Variants in ASTN1 observed in about 807,000 individuals in gnomAD.
ASTN1 encodes the protein astrotactin 1.
ASTN1 carries 41 observed loss-of-function variants against 140.7 expected under a neutral mutation model. The observed-to-expected ratio is 0.29, with a 90% CI of 0.23 to 0.38. The LOEUF is 0.38. Among genes scored for constraint, ASTN1 ranks in the 10% least tolerant of loss-of-function variants. ASTN1 has a pLI of 1.00. For missense variants in ASTN1, 1,479 were observed against 1,678.8 expected, an observed-to-expected ratio of 0.88 and a Z score of 2.08; for synonymous variants, 640 against 652.2, an observed-to-expected ratio of 0.98 and a Z score of 0.29.
chr1:177,164,658 A>C lies in ASTN1; in HGVS notation c.19T>G (p.Cys7Gly). 1 of 1,590,310 alleles carries C rather than the reference A, an allele frequency of 6.3e-7. No homozygotes were observed. The highest frequency in any genetic ancestry group is 8.6e-7 in the Non-Finnish European group (1 of 1,168,488). MALAGL[C>G]ALLACCWGPA... The stretch of plus-strand genomic sequence containing the variant: ...CCCCAGCAGCAGGCGAGCAGGGCGC[A>C]GAGCCCGGCTAAAGCCATCTTGAGC... Residue 7 changes from cysteine to glycine, a missense_variant, in exon 1 of 23, where the codon TGC becomes GGC. Around this residue, in one of 3 missense-constraint regions of ASTN1, gnomAD observed 729 missense variants for 860.4 expected, o/e 0.85. Coordinates refer to ENST00000361833, the MANE Select transcript of ASTN1 (RefSeq NM_004319.3).
intron 8 of ASTN1, among the ~76,000 whole-genome samples, chr1:177,009,573 C>G (rs895536873): frequency 6.6e-6 from 1 of 152,076 alleles, no homozygotes; most frequent in Non-Finnish European, 1.5e-5. Flanking sequence ...GAAGAAGTTG[C>G]AGAAATAGAA....
At chr1:176,992,964 A>G (rs1335654814) in intron 8 of ASTN1, among the ~76,000 whole-genome samples, 1 of 152,224 alleles carries the variant, frequency 6.6e-6, no homozygotes, top group Non-Finnish European at 1.5e-5. Context: ...GCAGAGCTCT[A>G]ATCCAATAGG....
rs1478728177 is a variant in ASTN1 at position 176,942,818 on chromosome 1, G to GTATA, written c.2377+1072_2377+1073insTATA. Among the ~76,000 whole-genome samples, 28 of 31,948 alleles carry GTATA rather than the reference G, an allele frequency of 8.8e-4. 1 individual carries two copies. Among genetic ancestry groups the GTATA allele is most frequent in the African/African-American group, 2.2e-3 (20 of 9,154 alleles). 21.0% of individuals were successfully genotyped at this position (31,948 alleles called of 152,430 possible). On this transcript the variant is annotated intron_variant, in intron 14 of 22. Transcript: ENST00000361833. ...GACCAAACCAATGTACTTTGTGTGT[G>GTATA]TGTATATATATATATATGTATATAT...
Position 176,864,055 on chromosome 1 carries a change from A to T in ASTN1, c.*229T>A. 1 of 1,361,692 alleles carries T rather than the reference A, an allele frequency of 7.3e-7. No homozygotes were observed. Among genetic ancestry groups the T allele is most frequent in the Non-Finnish European group, 9.5e-7 (1 of 1,057,766 alleles). The allele number at this position is 1,361,692 out of a possible 1,614,324, so 84.4% of individuals were successfully genotyped here. ...AACCCCAAAGTAATCCTCTAAAGAA[A>T]TATGGCACTGCATGAAGCCACTGGC... On this transcript the variant is annotated 3_prime_UTR_variant, in exon 23 of 23. Coordinates refer to ENST00000361833, the MANE Select transcript of ASTN1 (RefSeq NM_004319.3).
At chr1:176,960,040 C>A (rs1210657811) in intron 9 of ASTN1, among the ~76,000 whole-genome samples, 3 of 152,172 alleles carry the variant, frequency 2.0e-5, no homozygotes, top group Non-Finnish European at 4.4e-5. Context: ...CACACATACA[C>A]ACACACACTC....
At chr1:177,058,152 G>C (rs1221530585) in intron 2 of ASTN1, among the ~76,000 whole-genome samples, 2 of 152,162 alleles carry the variant, frequency 1.3e-5, no homozygotes, top group African/African-American at 4.8e-5. Context: ...GCTGCAGTAG[G>C]CTCCACTAAC....
At chr1:177,062,600 G>C (rs1678154973) in intron 1 of ASTN1, among the ~76,000 whole-genome samples, 2 of 148,050 alleles carry the variant, frequency 1.4e-5, no homozygotes, top group African/African-American at 2.5e-5. Context: ...ATTAACTTTG[G>C]CCAAAAAATA....
chr1:177,008,997 CAA>C (rs1675150576), intron 8 of ASTN1, among the ~76,000 whole-genome samples: 1 of 152,144 alleles, frequency 6.6e-6, no homozygotes, highest in Admixed American at 6.5e-5. Context: ...TAGAAATAGG[CAA>C]AGAGTCAGAA....
At chr1:177,022,349 T>TTTA (rs988978797) in intron 7 of ASTN1, among the ~76,000 whole-genome samples, 5 of 152,340 alleles carry the variant, frequency 3.3e-5, no homozygotes, top group Non-Finnish European at 7.3e-5. Flanking sequence ...TAGATATCAC[T>TTTA]TTAACGCTTT....
At chr1:177,135,948 T>C (rs984035864) in intron 1 of ASTN1, among the ~76,000 whole-genome samples, 1 of 152,196 alleles carries the variant, frequency 6.6e-6, no homozygotes, top group Non-Finnish European at 1.5e-5. Context: ...GAATATTTTA[T>C]CACAGGTTTA....
intron 1 of ASTN1, among the ~76,000 whole-genome samples, chr1:177,147,675 T>G (rs2102236702): frequency 6.6e-6 from 1 of 152,316 alleles, no homozygotes; most frequent in Non-Finnish European, 1.5e-5. Flanking sequence ...ACTTTGAGGC[T>G]GTCACTTCAC....
intron 19 of ASTN1, 78 bp downstream of exon 19, chr1:176,884,261 C>T (rs1296719865): frequency 6.6e-7 from 1 of 1,523,824 alleles, no homozygotes. Context: ...GGAGCAAAGC[C>T]ATGAGGCAGG....
At position 177,067,109 on chromosome 1, in the gene ASTN1, AG is replaced by A; in HGVS notation, c.284-5845del. Among the ~76,000 whole-genome samples the A allele has an allele frequency of 2.0e-5, 3 of 151,948 alleles. No homozygotes were observed. In the Middle Eastern group the frequency reaches 0.01, roughly 517 times the overall value. On this transcript the variant is annotated intron_variant, in intron 1 of 22. Transcript: ENST00000361833. Reference sequence around the variant, plus strand: ...CAAACCAAATCTAGTATGGTTTCTGAGGGGGGGTTCACAGAGCAGAGTTAGG... The same window carrying A: ...CAAACCAAATCTAGTATGGTTTCTGAGGGGGGTTCACAGAGCAGAGTTAGG...
chr1:177,162,757 T>C (rs891239034), intron 1 of ASTN1, among the ~76,000 whole-genome samples: 3 of 152,190 alleles, frequency 2.0e-5, no homozygotes, highest in Non-Finnish European at 4.4e-5. Context: ...GATGAACAGA[T>C]TGTACTTTGC....
At chr1:176,867,052 C>T (rs888811945) in intron 22 of ASTN1, among the ~76,000 whole-genome samples, 3 of 152,184 alleles carry the variant, frequency 2.0e-5, no homozygotes, top group African/African-American at 4.8e-5. Context: ...GAAGGAACCT[C>T]CTGGGAGGAG....
intron 1 of ASTN1, among the ~76,000 whole-genome samples, chr1:177,131,206 T>C (rs1681922878): frequency 6.6e-6 from 1 of 152,210 alleles, no homozygotes. Flanking sequence ...TTTGGTAATA[T>C]GTTCCAAGAA....
At chr1:176,879,622 G>A (rs1668707160) in intron 20 of ASTN1, among the ~76,000 whole-genome samples, 1 of 152,136 alleles carries the variant, frequency 6.6e-6, no homozygotes, top group Admixed American at 6.5e-5. Flanking sequence ...CTTGCTGTAA[G>A]TTCCAGCTAA....
intron 8 of ASTN1, among the ~76,000 whole-genome samples, chr1:177,013,763 T>C (rs1027885822): frequency 1.9e-4 from 29 of 152,332 alleles, no homozygotes; most frequent in Non-Finnish European, 4.0e-4. Context: ...TTTTTCCTGT[T>C]CCATTGATTG....
At chr1:177,087,238 C>T (rs929902966) in intron 1 of ASTN1, among the ~76,000 whole-genome samples, 35 of 152,268 alleles carry the variant, frequency 2.3e-4, no homozygotes, top group African/African-American at 8.4e-4. Flanking sequence ...GATGAAGGGT[C>T]AGGCACCAAG....
Sources: gnomAD v4.1 joint callset for allele counts (sites outside exome capture counted in the v4.1 genomes callset) on GRCh38, gnomAD v4.1.1 for gene constraint, gnomAD v4.1.1 regional missense constraint, MANE v1.5 for transcripts, NCBI Gene and HGNC (gene_info 2026-07-23, HGNC 2026-07-21) for gene names.